NPFFR2: variants seen among roughly 807,000 people sequenced by gnomAD.
NPFFR2 encodes the protein neuropeptide FF receptor 2.
Under a neutral mutation model 13.1 loss-of-function variants are expected in NPFFR2, and 15 were observed. The ratio of observed to expected loss-of-function variants is 1.15; its 90% confidence interval spans 0.77 to 1.76. The LOEUF (loss-of-function observed/expected upper bound fraction) is 1.76. Among genes scored for constraint, NPFFR2 ranks in the 40% most tolerant of loss-of-function variants. The pLI, the probability that NPFFR2 is intolerant of heterozygous loss-of-function variation, is 0.00. For synonymous variants in NPFFR2, 190 were observed against 175.7 expected, an observed-to-expected ratio of 1.08 and a Z score of -0.65; for missense variants, 572 against 503.5, an observed-to-expected ratio of 1.14 and a Z score of -1.30.
At chr4:72,037,405 A>AG (rs1560390154) in intron 1 of NPFFR2, among the ~76,000 whole-genome samples, 1 of 87,448 alleles carries the variant, frequency 1.1e-5, no homozygotes, top group Non-Finnish European at 2.8e-5. Context: ...TCTTGTTTGA[A>AG]AAAAAAAAAA....
intron 1 of NPFFR2, among the ~76,000 whole-genome samples, chr4:72,076,006 CAGAGAGAGAGAG>C (rs746172911): frequency 0.064 from 7,810 of 122,710 alleles, 345 homozygotes; most frequent in African/African-American, 0.084. Flanking sequence ...CACACACACA[CAGAGAGAGAGAG>C]AGGGCAGACA....
intron 2 of NPFFR2, among the ~76,000 whole-genome samples, chr4:72,129,370 G>A (rs967245984): frequency 3.9e-5 from 5 of 126,710 alleles, no homozygotes; most frequent in South Asian, 3.1e-4. Flanking sequence ...GGAGGATCCC[G>A]CCAGCCTCTG....
intron 1 of NPFFR2, chr4:72,069,118 C>T (rs549206801): frequency 2.0e-4 from 88 of 449,696 alleles, no homozygotes; most frequent in Non-Finnish European, 3.1e-4. Flanking sequence ...AATAGCATAA[C>T]AGTAATGCTA....
intron 1 of NPFFR2, among the ~76,000 whole-genome samples, chr4:72,100,559 CTACTAA>C (rs1721211389): frequency 1.3e-5 from 2 of 151,550 alleles, no homozygotes; most frequent in South Asian, 2.1e-4. Context: ...TATACTACTA[CTACTAA>C]TACTAGTACT....
At chr4:72,141,075 A>G (rs1380516181) in intron 3 of NPFFR2, among the ~76,000 whole-genome samples, 2 of 151,946 alleles carry the variant, frequency 1.3e-5, no homozygotes, top group African/African-American at 4.8e-5. Context: ...CTCTGATAGT[A>G]GTTTGTATTT....
chr4:72,064,651 C>G (rs1720014872), intron 1 of NPFFR2, among the ~76,000 whole-genome samples: 1 of 152,002 alleles, frequency 6.6e-6, no homozygotes, highest in Non-Finnish European at 1.5e-5. Context: ...GAAGCAGTCC[C>G]CAAAAGATGG....
intron 1 of NPFFR2, among the ~76,000 whole-genome samples, chr4:72,099,447 G>C (rs80229719): frequency 6.6e-6 from 1 of 152,128 alleles, no homozygotes; most frequent in Non-Finnish European, 1.5e-5. Context: ...AATTGGCTCA[G>C]GGTTCTGCAG....
At chr4:72,127,768 G>T (rs1299834680) in intron 1 of NPFFR2, among the ~76,000 whole-genome samples, 1 of 151,994 alleles carries the variant, frequency 6.6e-6, no homozygotes, top group Non-Finnish European at 1.5e-5. Flanking sequence ...GGCTGTGTCT[G>T]CATACAGAAA....
At chr4:72,121,951 A>G (rs940871325) in intron 1 of NPFFR2, among the ~76,000 whole-genome samples, 7 of 152,276 alleles carry the variant, frequency 4.6e-5, no homozygotes, top group Admixed American at 2.0e-4. Flanking sequence ...AAAGACACAC[A>G]CTGGCAAATC....
chr4:72,119,050 G>GA (rs34129698), intron 1 of NPFFR2, among the ~76,000 whole-genome samples: 1 of 151,480 alleles, frequency 6.6e-6, no homozygotes. Context: ...TTTTCCTTCA[G>GA]AAAAAAAATA....
rs1341571145 is a variant in NPFFR2, at chr4:72,127,355, C to CTTTTTTTTTTTTT, written c.-7-1226_-7-1225insTTTTTTTTTTTTT. Among the ~76,000 whole-genome samples the CTTTTTTTTTTTTT allele has an allele frequency of 4.0e-3, 365 of 91,162 alleles. 20 individuals carry two copies. The highest frequency in any genetic ancestry group is 0.013 in the African/African-American group (286 of 21,668). 59.8% of individuals were successfully genotyped at this position (91,162 alleles called of 152,430 possible). On this transcript the variant is annotated intron_variant, in intron 1 of 3. Coordinates refer to ENST00000308744, the MANE Select transcript of NPFFR2 (RefSeq NM_004885.3). Reference sequence around the variant, plus strand: ...AAGTCATACAGATTCTAAATAATTTCTTTTCTTTTTTTTTTTTTTTTTTTT... The same window carrying CTTTTTTTTTTTTT: ...AAGTCATACAGATTCTAAATAATTTCTTTTTTTTTTTTTTTTTCTTTTTTTTTTTTTTTTTTTT...
chr4:72,033,678 A>G (rs1718980405), intron 1 of NPFFR2, among the ~76,000 whole-genome samples: 1 of 152,126 alleles, frequency 6.6e-6, no homozygotes, highest in African/African-American at 2.4e-5. Flanking sequence ...TTCTTGGTGC[A>G]TTTTGTGAAC....
At chr4:72,039,661 T>A (rs1204165014) in intron 1 of NPFFR2, among the ~76,000 whole-genome samples, 1 of 152,206 alleles carries the variant, frequency 6.6e-6, no homozygotes, top group Non-Finnish European at 1.5e-5. Context: ...CATTCCCTTC[T>A]TGATAAACAT....
At chr4:72,136,035 C>T (rs1030122137) in intron 2 of NPFFR2, among the ~76,000 whole-genome samples, 2 of 152,068 alleles carry the variant, frequency 1.3e-5, no homozygotes, top group African/African-American at 4.8e-5. Context: ...TTATTCTTGA[C>T]TGTAGTCACT....
intron 1 of NPFFR2, among the ~76,000 whole-genome samples, chr4:72,116,894 C>G (rs1292264375): frequency 1.3e-5 from 2 of 151,944 alleles, no homozygotes; most frequent in Non-Finnish European, 1.5e-5. Flanking sequence ...TGGACAGTTT[C>G]CCCCTCCTAT....
intron 2 of NPFFR2, among the ~76,000 whole-genome samples, chr4:72,131,590 G>A (rs1722245510): frequency 6.6e-6 from 1 of 151,746 alleles, no homozygotes; most frequent in Admixed American, 6.6e-5. Context: ...AAAACTTAAA[G>A]TGTAATAAAA....
intron 1 of NPFFR2, among the ~76,000 whole-genome samples, chr4:72,034,042 A>G (rs1275643752): frequency 6.6e-6 from 1 of 152,242 alleles, no homozygotes; most frequent in Non-Finnish European, 1.5e-5. Context: ...GGAACACAAA[A>G]TAAGGACAAC....
Position 72,035,514 on chromosome 4 carries a change from C to A in NPFFR2, c.-8+3314C>A, listed in dbSNP as rs528240251. On this transcript the variant is annotated intron_variant, in intron 1 of 3. Transcript: ENST00000308744. Reference sequence around the variant, plus strand: ...ATAGTTTAGCCCCCCCTAAAAAAGTCAAAGTGAGTCAGGACAGCATAAATA... The same window carrying A: ...ATAGTTTAGCCCCCCCTAAAAAAGTAAAAGTGAGTCAGGACAGCATAAATA... Among the ~76,000 whole-genome samples, 5 of 152,202 alleles carry A rather than the reference C, an allele frequency of 3.3e-5. No homozygotes were observed. The South Asian group carries it at 1.0e-3, about 32-fold the overall frequency.
At chr4:72,126,467 A>T (rs1045433117) in intron 1 of NPFFR2, among the ~76,000 whole-genome samples, 1 of 152,238 alleles carries the variant, frequency 6.6e-6, no homozygotes, top group African/African-American at 2.4e-5. Flanking sequence ...GATAACAAGC[A>T]GGCCTGAGGC....
Sources: gnomAD v4.1 joint callset for allele counts (sites outside exome capture counted in the v4.1 genomes callset) on GRCh38, gnomAD v4.1.1 for gene constraint, MANE v1.5 for transcripts, NCBI Gene and HGNC (gene_info 2026-07-23, HGNC 2026-07-21) for gene names.